RAPGEF4: variants seen among roughly 807,000 people sequenced by gnomAD.
RAPGEF4 encodes the protein Rap guanine nucleotide exchange factor 4, also known as RAP guanine-nucleotide-exchange factor (GEF) 4.
Under a neutral mutation model 147.9 loss-of-function variants are expected in RAPGEF4, and 66 were observed. The ratio of observed to expected loss-of-function variants is 0.45; its 90% CI spans 0.37 to 0.55. The LOEUF is 0.55. Among genes scored for constraint, RAPGEF4 ranks in the 20% least tolerant of loss-of-function variants. The probability of loss-of-function intolerance (pLI) is 0.00; values close to 1 mark genes in which losing one functional copy is unlikely to be tolerated. For synonymous variants in RAPGEF4, 419 were observed against 442.7 expected, an observed-to-expected ratio of 0.95 and a Z score of 0.67; for missense variants, 1,071 against 1,257.3, an observed-to-expected ratio of 0.85 and a Z score of 2.24.
intron 3 of RAPGEF4, among the ~76,000 whole-genome samples, chr2:172,809,870 A>C (rs1687861618): frequency 6.6e-6 from 1 of 152,102 alleles, no homozygotes; most frequent in African/African-American, 2.4e-5. Flanking sequence ...ATTTCCCCTA[A>C]TGAATAAGAG....
intron 29 of RAPGEF4, among the ~76,000 whole-genome samples, chr2:173,044,277 G>GA (rs2106063552): frequency 8.4e-6 from 1 of 119,664 alleles, no homozygotes; most frequent in African/African-American, 3.1e-5. Flanking sequence ...CGGGGGGCGG[G>GA]AGGGGGGGTG....
intron 23 of RAPGEF4, among the ~76,000 whole-genome samples, chr2:173,022,966 T>A (rs1423915278): frequency 1.3e-5 from 2 of 152,200 alleles, no homozygotes; most frequent in African/African-American, 2.4e-5. Context: ...ACCTACCACA[T>A]CATCGCAGGC....
At chr2:173,019,295 A>G (rs1194972319) in intron 22 of RAPGEF4, among the ~76,000 whole-genome samples, 3 of 152,234 alleles carry the variant, frequency 2.0e-5, no homozygotes, top group African/African-American at 7.2e-5. Flanking sequence ...ACGGGATTAC[A>G]GTTCCTTTCA....
chr2:172,840,015 G>A (rs1018814146), intron 4 of RAPGEF4, among the ~76,000 whole-genome samples: 2 of 152,072 alleles, frequency 1.3e-5, no homozygotes, highest in Non-Finnish European at 2.9e-5. Flanking sequence ...AGTGCTAAAA[G>A]CCTCTTTCTC....
chr2:172,915,900 G>A (rs2150026527), intron 4 of RAPGEF4, among the ~76,000 whole-genome samples: 1 of 152,266 alleles, frequency 6.6e-6, no homozygotes, highest in Middle Eastern at 3.4e-3. Flanking sequence ...TAAGTACTAA[G>A]TTTGTATTAT....
In RAPGEF4 at chr2:172,813,891, G is replaced by C. The variant is rs530958528; in HGVS notation, c.298-388G>C. ...GGAAACTACTCATGAATAAAAGGAA[G>C]AATCTTTGGATCCATGCAACAACAT... On this transcript the variant is annotated intron_variant, in intron 3 of 30. Transcript: ENST00000397081. 1.1e-4 allele frequency among the ~76,000 whole-genome samples: 17 copies of C among 152,290 alleles called. No individual in the cohort carries two copies. In the South Asian group the frequency reaches 2.7e-3, roughly 24 times the overall value.
At chr2:172,860,476 C>T (rs1693903301) in intron 4 of RAPGEF4, among the ~76,000 whole-genome samples, 1 of 151,886 alleles carries the variant, frequency 6.6e-6, no homozygotes, top group Non-Finnish European at 1.5e-5. Context: ...AACAGTTTAA[C>T]CCAGTGTTTA....
chr2:172,866,951 C>CTTTTTTT (rs368474331), intron 4 of RAPGEF4, among the ~76,000 whole-genome samples: 6 of 139,758 alleles, frequency 4.3e-5, no homozygotes, highest in Non-Finnish European at 3.1e-5. Flanking sequence ...CAAAACTGCT[C>CTTTTTTT]TTTTTTTTTT....
chr2:173,010,436 A>T (rs1380244466), intron 17 of RAPGEF4, among the ~76,000 whole-genome samples: 2 of 152,214 alleles, frequency 1.3e-5, no homozygotes, highest in Non-Finnish European at 2.9e-5. Context: ...TATTCAATAA[A>T]AGCACTTCTT....
intron 29 of RAPGEF4, among the ~76,000 whole-genome samples, chr2:173,045,044 C>G (rs1685286059): frequency 6.6e-6 from 1 of 152,136 alleles, no homozygotes; most frequent in Non-Finnish European, 1.5e-5. Context: ...GATAATGAAC[C>G]CTATATCTCT....
In RAPGEF4 at chr2:172,829,687, G is replaced by C. The variant is rs375127136; in HGVS notation, c.444+15262G>C. Among the ~76,000 whole-genome samples the C allele has an allele frequency of 3.9e-5, 6 of 152,136 alleles. No homozygotes were observed. The East Asian group carries it at 7.7e-4, about 20-fold the overall frequency. ...AAGTATCAAGAATTCAGTGATGGGA[G>C]CTTTTGGAATGAAAAGAGCTCTAAG... On this transcript the variant is annotated intron_variant, in intron 4 of 30. Coordinates refer to ENST00000397081, the MANE Select transcript of RAPGEF4 (RefSeq NM_007023.4).
At chr2:173,017,393 C>T in intron 20 of RAPGEF4, 33 bp from the exon 21 acceptor site, 2 of 1,593,996 alleles carry the variant, frequency 1.3e-6, no homozygotes, top group Non-Finnish European at 1.7e-6. Context: ...TGGTCACTGT[C>T]CCTTATGGCA....
intron 10 of RAPGEF4, among the ~76,000 whole-genome samples, chr2:172,967,801 A>C (rs1310269401): frequency 6.6e-6 from 1 of 152,218 alleles, no homozygotes; most frequent in Non-Finnish European, 1.5e-5. Flanking sequence ...GCAACAGGAC[A>C]GAGGTCATCA....
At chr2:172,935,355 G>A (rs1399242409) in intron 6 of RAPGEF4, among the ~76,000 whole-genome samples, 6 of 152,142 alleles carry the variant, frequency 3.9e-5, no homozygotes, top group Admixed American at 3.9e-4. Flanking sequence ...ACTCTGGCTG[G>A]CCTATGGTGG....
At chr2:173,006,657 C>G (rs1203652668) in intron 17 of RAPGEF4, among the ~76,000 whole-genome samples, 6 of 152,172 alleles carry the variant, frequency 3.9e-5, no homozygotes, top group Non-Finnish European at 7.3e-5. Context: ...TGAAATTGAT[C>G]TGGAGATGTT....
At chr2:172,794,860 G>A (rs1301612000) in intron 1 of RAPGEF4, among the ~76,000 whole-genome samples, 165 bp from the exon 2 acceptor site, 1 of 152,210 alleles carries the variant, frequency 6.6e-6, no homozygotes, top group East Asian at 1.9e-4. Context: ...AGAAATGTCT[G>A]TATTAGCCCA....
At chr2:173,005,113 T>A (rs1423445841) in intron 17 of RAPGEF4, among the ~76,000 whole-genome samples, 1 of 89,128 alleles carries the variant, frequency 1.1e-5, no homozygotes, top group Non-Finnish European at 2.4e-5. Flanking sequence ...ATTTCCACGG[T>A]TTTTTTCTTT....
In RAPGEF4 at chr2:172,916,165, A is replaced by T. The variant is rs143518397; in HGVS notation, c.445-1637A>T. Among the ~76,000 whole-genome samples the T allele has an allele frequency of 3.0e-3, 453 of 152,318 alleles. 6 individuals are homozygous for T. Among genetic ancestry groups the T allele is most frequent in the African/African-American group, 0.01 (430 of 41,570 alleles). ...CAGGTGCTATGGGGCTTGAAGGAAG[A>T]TGAAGTCCCATTCATTCAGGGATCA... On this transcript the variant is annotated intron_variant, in intron 4 of 30. Coordinates refer to ENST00000397081, the MANE Select transcript of RAPGEF4 (RefSeq NM_007023.4).
intron 1 of RAPGEF4, among the ~76,000 whole-genome samples, chr2:172,785,801 C>T (rs1242662286): frequency 6.6e-6 from 1 of 152,052 alleles, no homozygotes; most frequent in Non-Finnish European, 1.5e-5. Context: ...TGCCTCCCTC[C>T]CCCTTTCTCT....
Sources: allele counts gnomAD v4.1 joint callset (sites outside exome capture counted in the v4.1 genomes callset), GRCh38; gene constraint gnomAD v4.1.1; transcripts MANE v1.5; gene names NCBI Gene and HGNC (gene_info 2026-07-23, HGNC 2026-07-21).